ANKRD42: variants seen among roughly 807,000 people sequenced by gnomAD.
ANKRD42 encodes the protein ankyrin repeat domain 42, also known as ankyrin repeat domain-containing protein 42.
In ANKRD42, 43 loss-of-function variants were observed where a neutral mutation model predicts 51.5. That is an observed-to-expected ratio of 0.83 (90% CI 0.65 to 1.08). The LOEUF (loss-of-function observed/expected upper bound fraction) is 1.08, where lower values mean the gene tolerates loss of function less well. Ranked by LOEUF, ANKRD42 falls within the 50% of genes least tolerant of loss-of-function variation. The probability of loss-of-function intolerance (pLI) is 0.00; values close to 1 mark genes in which losing one functional copy is unlikely to be tolerated. For missense variants in ANKRD42, 608 were observed against 629.3 expected, an observed-to-expected ratio of 0.97 and a Z score of 0.36; for synonymous variants, 203 against 213.0, an observed-to-expected ratio of 0.95 and a Z score of 0.41.
chr11:83,206,280 A>C (rs928676809), intron 3 of ANKRD42, 115 bp downstream of exon 3: 15 of 820,784 alleles, frequency 1.8e-5, no homozygotes, highest in Non-Finnish European at 2.8e-5. Flanking sequence ...CTAAACAAGA[A>C]CTTACTGGAT....
intron 1 of ANKRD42, among the ~76,000 whole-genome samples, chr11:83,196,743 C>G (rs963368661): frequency 6.6e-6 from 1 of 152,062 alleles, no homozygotes; most frequent in African/African-American, 2.4e-5. Flanking sequence ...ACCAGACTTA[C>G]GTTGAGTAGA....
downstream of ANKRD42, chr11:83,261,840 A>G: frequency 9.0e-7 from 1 of 1,108,880 alleles, no homozygotes; most frequent in Non-Finnish European, 1.3e-6. Context: ...GCAACTGACA[A>G]TGTTCAAAGT....
At chr11:83,257,311 G>T (rs549670888), downstream of ANKRD42, 859 of 455,958 alleles carry the variant, frequency 1.9e-3, 4 homozygotes, top group Non-Finnish European at 2.1e-3. Flanking sequence ...CAGATCTTCA[G>T]GGGGAGACAG....
rs1861747680 is a variant in ANKRD42 at position 83,198,515 on chromosome 11, A to G, written c.95A>G (p.Asp32Gly). 1 of 1,613,754 alleles carries G rather than the reference A, an allele frequency of 6.2e-7. No homozygotes were observed. The highest frequency in any genetic ancestry group is 1.7e-5 in the Admixed American group (1 of 59,998). Residue 32 changes from aspartate to glycine, a missense_variant, in exon 2 of 11, where the codon GAT becomes GGT. Physicochemically the swap from Asp to Gly is moderately conservative, Grantham distance 94. Coordinates refer to ENST00000533342, the MANE Select transcript of ANKRD42 (RefSeq NM_001300975.2). ...AAGGTGCATTTTGGCAGCATACATG[A>G]TGCAGTACGAGCTGGAGATGTAAAG... is the stretch of plus-strand genomic sequence containing the variant. ...RKKVHFGSIH[D>G]AVRAGDVKQL...
At chr11:83,226,933 T>C (rs781419719) in intron 6 of ANKRD42, among the ~76,000 whole-genome samples, 2 of 152,186 alleles carry the variant, frequency 1.3e-5, no homozygotes, top group Non-Finnish European at 2.9e-5. Flanking sequence ...TATATGTAAA[T>C]ATTATACCAT....
intron 2 of ANKRD42, among the ~76,000 whole-genome samples, chr11:83,199,302 CCTAT>C (rs1201067158): frequency 1.5e-4 from 23 of 152,046 alleles, no homozygotes; most frequent in Non-Finnish European, 1.0e-4. Flanking sequence ...GTTTATTATT[CCTAT>C]CTATGTTTTA....
chr11:83,218,891 A>C (rs910287944), intron 5 of ANKRD42, among the ~76,000 whole-genome samples: 5 of 152,352 alleles, frequency 3.3e-5, no homozygotes, highest in Admixed American at 6.5e-5. Flanking sequence ...TCCTGTTTAC[A>C]GAAAAGACTA....
intron 7 of ANKRD42, among the ~76,000 whole-genome samples, chr11:83,235,339 A>G (rs1359606902): frequency 6.6e-6 from 1 of 152,224 alleles, no homozygotes; most frequent in Non-Finnish European, 1.5e-5. Flanking sequence ...TATACTACTT[A>G]GTAGAGTGAA....
intron 2 of ANKRD42, among the ~76,000 whole-genome samples, chr11:83,201,460 T>C (rs374909317): frequency 6.6e-6 from 1 of 152,194 alleles, no homozygotes; most frequent in Non-Finnish European, 1.5e-5. Flanking sequence ...TAAACATACA[T>C]GTGCATGTCT....
At chr11:83,223,088 A>G (rs1348188458) in intron 5 of ANKRD42, among the ~76,000 whole-genome samples, 2 of 152,130 alleles carry the variant, frequency 1.3e-5, no homozygotes, top group African/African-American at 4.8e-5. Flanking sequence ...CGTCTCTACT[A>G]AAAATACAAA....
downstream of ANKRD42, among the ~76,000 whole-genome samples, chr11:83,252,501 A>G (rs1386674924): frequency 6.6e-6 from 1 of 152,252 alleles, no homozygotes; most frequent in Non-Finnish European, 1.5e-5. Flanking sequence ...ACAATGGAAT[A>G]TTATATAGCA....
At position 83,213,088 on chromosome 11, in the gene ANKRD42, T is replaced by C. The variant is rs774951742; in HGVS notation, c.586+1658T>C. 4 of 1,600,808 alleles carry C rather than the reference T, an allele frequency of 2.5e-6. No homozygotes were observed. The South Asian group carries it at 4.4e-5, about 18-fold the overall frequency. The stretch of plus-strand genomic sequence containing the variant: ...TCTTCCGGCACCAGACTGACTGATA[T>C]GTCAAAATTAAGTGTAACTGGCAGA... On this transcript the variant is annotated intron_variant, in intron 5 of 10. Transcript: ENST00000533342.
intron 2 of ANKRD42, among the ~76,000 whole-genome samples, chr11:83,204,953 C>T (rs1308886452): frequency 1.3e-5 from 2 of 151,994 alleles, no homozygotes; most frequent in Non-Finnish European, 2.9e-5. Context: ...ATTAAGACCA[C>T]AATGAGATAC....
intron 9 of ANKRD42, among the ~76,000 whole-genome samples, chr11:83,242,194 T>TCA (rs1863405600): frequency 1.3e-5 from 2 of 152,192 alleles, no homozygotes; most frequent in Non-Finnish European, 2.9e-5. Context: ...TCCTGGTTCT[T>TCA]GAAAAAAATC....
chr11:83,256,349 TA>T (rs918992711), downstream of ANKRD42, among the ~76,000 whole-genome samples: 3 of 152,294 alleles, frequency 2.0e-5, no homozygotes, highest in Non-Finnish European at 2.9e-5. Context: ...TGGATATGTT[TA>T]AAAAAATTTT....
intron 9 of ANKRD42, among the ~76,000 whole-genome samples, chr11:83,242,567 G>GTTTTGTTTTTTT (rs1863419215): frequency 8.7e-6 from 1 of 115,546 alleles, no homozygotes; most frequent in Admixed American, 8.5e-5. Context: ...TGGTAGTTAA[G>GTTTTGTTTTTTT]TTTTTTTTTT....
At chr11:83,198,771 A>C in intron 2 of ANKRD42, 129 bp downstream of exon 2, 1 of 788,714 alleles carries the variant, frequency 1.3e-6, no homozygotes, top group Non-Finnish European at 1.8e-6. Context: ...AGTCAGTTTA[A>C]TATTTGGGTA....
chr11:83,245,084 A>G (rs1276772468), intron 9 of ANKRD42, among the ~76,000 whole-genome samples: 1 of 152,106 alleles, frequency 6.6e-6, no homozygotes, highest in Non-Finnish European at 1.5e-5. Flanking sequence ...TTGTATTTTT[A>G]GTAGAGACGG....
At chr11:83,249,088 C>G, downstream of ANKRD42, 1 of 707,198 alleles carries the variant, frequency 1.4e-6, no homozygotes, top group Non-Finnish European at 1.7e-6. Flanking sequence ...CTAGAGGACA[C>G]AGCACCATTT....
Sources: allele counts gnomAD v4.1 joint callset (sites outside exome capture counted in the v4.1 genomes callset), GRCh38; gene constraint gnomAD v4.1.1; transcripts MANE v1.5; gene names NCBI Gene and HGNC (gene_info 2026-07-23, HGNC 2026-07-21).